The following STK39 variants were observed in gnomAD, a reference collection of about 807,000 sequenced individuals.
The protein encoded by STK39 is STE20/SPS1-related proline-alanine-rich protein kinase.
In STK39, 20 loss-of-function variants were observed where a neutral mutation model predicts 77.8. The ratio of observed to expected loss-of-function variants is 0.26; its 90% CI spans 0.18 to 0.37. The LOEUF (loss-of-function observed/expected upper bound fraction) is 0.37. Ranked by LOEUF, STK39 falls within the 10% of genes least tolerant of loss-of-function variation. STK39 has a pLI of 1.00. For missense variants in STK39, 479 were observed against 656.5 expected (o/e 0.73, Z 2.95); for synonymous variants, 246 against 234.1 (o/e 1.05, Z -0.47).
intron 1 of STK39, among the ~76,000 whole-genome samples, chr2:168,238,006 C>G (rs1310866391): frequency 6.6e-6 from 1 of 152,146 alleles, no homozygotes; most frequent in African/African-American, 2.4e-5. Context: ...CTAAGCTACA[C>G]AGGATAGGTC....
chr2:168,081,771 G>T (rs189927820), intron 10 of STK39, among the ~76,000 whole-genome samples: 36 of 152,248 alleles, frequency 2.4e-4, no homozygotes, highest in East Asian at 9.7e-4. Flanking sequence ...GAATTATGGG[G>T]ACAAGTCTTT....
intron 15 of STK39, among the ~76,000 whole-genome samples, chr2:168,013,834 G>C (rs1052107343): frequency 2.7e-4 from 23 of 85,792 alleles, no homozygotes; most frequent in Non-Finnish European, 4.1e-4. Context: ...GTGTGTGTGT[G>C]TATGTGTTTG....
intron 1 of STK39, among the ~76,000 whole-genome samples, 160 bp downstream of exon 1, chr2:168,247,061 TAAAAAAA>T (rs755613797): frequency 3.4e-4 from 30 of 89,294 alleles, no homozygotes; most frequent in South Asian, 8.1e-4. Context: ...CATTAAAAAT[TAAAAAAA>T]AAAAAAAAAA....
intron 1 of STK39, among the ~76,000 whole-genome samples, chr2:168,182,302 G>A (rs1358722586): frequency 6.6e-6 from 1 of 151,888 alleles, no homozygotes; most frequent in Non-Finnish European, 1.5e-5. Flanking sequence ...GACAATGTAT[G>A]TCTGAGGACA....
intron 16 of STK39, among the ~76,000 whole-genome samples, chr2:168,001,911 A>G (rs915368834): frequency 6.6e-6 from 1 of 152,272 alleles, no homozygotes; most frequent in African/African-American, 2.4e-5. Context: ...CACCAAAGTA[A>G]GCCTACTTTA....
chr2:167,966,819 A>T (rs1274818143), intron 16 of STK39, among the ~76,000 whole-genome samples: 1 of 152,232 alleles, frequency 6.6e-6, no homozygotes, highest in Non-Finnish European at 1.5e-5. Context: ...TTACCTGATT[A>T]CTTATCCCAG....
chr2:167,992,138 CAT>C (rs1683715196), intron 16 of STK39, among the ~76,000 whole-genome samples: 1 of 152,144 alleles, frequency 6.6e-6, no homozygotes, highest in Admixed American at 6.5e-5. Context: ...TGGGAGATAA[CAT>C]AACTCAGTTG....
At chr2:168,162,623 T>C (rs1458654582) in intron 4 of STK39, among the ~76,000 whole-genome samples, 1 of 152,096 alleles carries the variant, frequency 6.6e-6, no homozygotes, top group African/African-American at 2.4e-5. Flanking sequence ...CTAATTATAA[T>C]AATAGATATT....
chr2:168,036,299 C>T (rs573573754), intron 14 of STK39, among the ~76,000 whole-genome samples: 86 of 151,932 alleles, frequency 5.7e-4, no homozygotes, highest in African/African-American at 1.9e-3. Flanking sequence ...GGCTCCTGAC[C>T]CCCAATCACT....
At chr2:168,133,795 T>C (rs1414943339) in intron 8 of STK39, among the ~76,000 whole-genome samples, 1 of 151,444 alleles carries the variant, frequency 6.6e-6, no homozygotes. Context: ...GAGGCGGAGG[T>C]TGCAGTGAGC....
chr2:168,169,306 G>T (rs1458387930), intron 2 of STK39, among the ~76,000 whole-genome samples: 1 of 152,136 alleles, frequency 6.6e-6, no homozygotes, highest in South Asian at 2.1e-4. Context: ...TCTGCTCAGT[G>T]CGGGGATGGC....
At chr2:167,970,086 A>T (rs1026695096) in intron 16 of STK39, among the ~76,000 whole-genome samples, 15 of 152,002 alleles carry the variant, frequency 9.9e-5, no homozygotes, top group Non-Finnish European at 1.5e-5. Flanking sequence ...CCATGACTCC[A>T]TGACTGCCTC....
rs146749565 is a variant in STK39 at position 168,185,453 on chromosome 2, T to C, written c.209-3363A>G. ...GTCAATGGCAATCAGAGGTAAGAGA[T>C]TGCTCACGTTCATTACCATGATGCA... On this transcript the variant is annotated intron_variant, in intron 1 of 17. Coordinates refer to ENST00000355999, the MANE Select transcript of STK39 (RefSeq NM_013233.3). 1.2e-4 allele frequency among the ~76,000 whole-genome samples: 19 copies of C among 152,334 alleles called. No individual in the cohort carries two copies. The East Asian group carries it at 1.7e-3, about 14-fold the overall frequency.
At chr2:167,967,591 C>A (rs1163519134) in intron 16 of STK39, among the ~76,000 whole-genome samples, 4 of 151,954 alleles carry the variant, frequency 2.6e-5, no homozygotes, top group Non-Finnish European at 5.9e-5. Flanking sequence ...GTAACAATAT[C>A]AGTAACAGCC....
intron 14 of STK39, among the ~76,000 whole-genome samples, chr2:168,039,130 T>A (rs1584431): frequency 0.76 from 115,959 of 151,964 alleles, 44,360 homozygotes; most frequent in African/African-American, 0.78. Context: ...TGAAAAAAAA[T>A]CCCCAAATGT....
At chr2:168,172,331 G>T (rs934178763) in intron 2 of STK39, among the ~76,000 whole-genome samples, 16 of 152,184 alleles carry the variant, frequency 1.1e-4, no homozygotes, top group Non-Finnish European at 2.1e-4. Context: ...GGACACATCT[G>T]TTGGCCCCAC....
intron 16 of STK39, among the ~76,000 whole-genome samples, chr2:167,993,624 A>G (rs1403837355): frequency 6.6e-6 from 1 of 152,216 alleles, no homozygotes; most frequent in East Asian, 1.9e-4. Context: ...CTGAGATGCT[A>G]AACAACCCTG....
At chr2:168,183,040 AG>A (rs980052041) in intron 1 of STK39, among the ~76,000 whole-genome samples, 1 of 152,208 alleles carries the variant, frequency 6.6e-6, no homozygotes, top group Non-Finnish European at 1.5e-5. Context: ...AAGGGAAAGC[AG>A]GGGAGTATTT....
intron 16 of STK39, among the ~76,000 whole-genome samples, chr2:167,989,613 C>G (rs1484578719): frequency 6.6e-6 from 1 of 152,100 alleles, no homozygotes; most frequent in Non-Finnish European, 1.5e-5. Flanking sequence ...GACTTCAACT[C>G]TAAATGCAGA....
Sources: gnomAD v4.1 joint callset for allele counts (sites outside exome capture counted in the v4.1 genomes callset) on GRCh38, gnomAD v4.1.1 for gene constraint, MANE v1.5 for transcripts, NCBI Gene and HGNC (gene_info 2026-07-23, HGNC 2026-07-21) for gene names.